DGKA: variants seen among roughly 807,000 people sequenced by gnomAD.
The protein encoded by DGKA is diacylglycerol kinase alpha.
In DGKA, 35 loss-of-function variants were observed where a neutral mutation model predicts 105.0. The ratio of observed to expected loss-of-function variants is 0.33; its 90% CI spans 0.25 to 0.44. The LOEUF (loss-of-function observed/expected upper bound fraction) is 0.44. Among genes scored for constraint, DGKA ranks in the 20% least tolerant of loss-of-function variants. The pLI is 1.00. For missense variants in DGKA, 665 were observed against 915.0 expected, an observed-to-expected ratio of 0.73 and a Z score of 3.53; for synonymous variants, 296 against 332.0, an observed-to-expected ratio of 0.89 and a Z score of 1.18.
intron 1 of DGKA, chr12:55,931,744 T>C (rs1883639907): frequency 6.6e-6 from 1 of 152,150 alleles, no homozygotes; most frequent in South Asian, 2.1e-4. Context: ...CTCCCAGGTT[T>C]GGGATGAAGG....
At chr12:55,929,693 A>G (rs1883282087), upstream of DGKA, 1 of 152,208 alleles carries the variant, frequency 6.6e-6, no homozygotes, top group Non-Finnish European at 1.5e-5. Flanking sequence ...AGAAATGAGC[A>G]CCTGGAACCG....
At chr12:55,941,090 C>A in intron 13 of DGKA, 110 bp downstream of exon 13, 1 of 1,351,670 alleles carries the variant, frequency 7.4e-7, no homozygotes, top group South Asian at 1.3e-5. Flanking sequence ...GATGCTCACT[C>A]TCCAGAAACT....
chr12:55,941,549 G>T lies in DGKA; in HGVS notation c.1215G>T (p.Gln405His). ...TCCAGTATATATTAAACCCTCGACA[G>T]GTGTTCAACCTCCTAAAGGATGGTC... ...WKFQYILNPR[Q>H]VFNLLKDGPE... The change falls in exon 15 of 24, where the codon CAG becomes CAT. Residue 405 changes from glutamine (Q) to histidine (H), a missense_variant. Physicochemically the swap from Gln to His is conservative, Grantham distance 24. Transcript: ENST00000331886. 2 of 1,614,170 alleles carry T rather than the reference G, an allele frequency of 1.2e-6. No individual in the cohort carries two copies. Among genetic ancestry groups the T allele is most frequent in the Non-Finnish European group, 1.7e-6 (2 of 1,180,026 alleles).
rs114610010 is a variant in DGKA at position 55,945,566 on chromosome 12, T to C, written c.1426+3303T>C. 3.8e-3 allele frequency among the ~76,000 whole-genome samples: 579 copies of C among 152,300 alleles called. 6 individuals are homozygous for C. Among genetic ancestry groups the C allele is most frequent in the African/African-American group, 0.013 (548 of 41,568 alleles). On this transcript the variant is annotated intron_variant, in intron 17 of 23. Coordinates refer to ENST00000331886, the MANE Select transcript of DGKA (RefSeq NM_001345.5). The stretch of plus-strand genomic sequence containing the variant: ...CAGGGCTGAGTTCTTTTCTAGAGGC[T>C]CTAGGGAATAATCCTTTGCTTTTTC...
At chr12:55,936,275 C>T in intron 1 of DGKA, 148 bp from the exon 2 acceptor site, 1 of 892,810 alleles carries the variant, frequency 1.1e-6, no homozygotes, top group Non-Finnish European at 1.6e-6. Flanking sequence ...AAGAGGGACA[C>T]AGGGAAAGGA....
rs1244110612 is a variant in DGKA, at chr12:55,940,186, C to T, written c.798+16C>T. On this transcript the variant is annotated intron_variant, in intron 10 of 23. Transcript: ENST00000331886. The surrounding 1 kb of genome is among the most constrained non-coding windows in gnomAD (Gnocchi z 4.3). ...GGACATTGGTGTGAGTGATCTCATG[C>T]CTCCACCCCCAACATCACCTACATC... 2.5e-6 allele frequency: 4 copies of T among 1,613,886 alleles called. No homozygotes were observed. Among genetic ancestry groups the T allele is most frequent in the Non-Finnish European group, 2.5e-6 (3 of 1,179,722 alleles).
chr12:55,927,968 T>A, upstream of DGKA: 2 of 594,018 alleles, frequency 3.4e-6, no homozygotes, highest in Non-Finnish European at 5.7e-6. Flanking sequence ...GTATTCTAAT[T>A]AAACTCGTCC....
chr12:55,930,368 T>TTG (rs1883382863), upstream of DGKA: 2 of 133,726 alleles, frequency 1.5e-5, no homozygotes, highest in Admixed American at 7.4e-5. Context: ...TTTTTTTTTT[T>TTG]TTTTTTTTTT....
chr12:55,951,165 T>C (rs1184096181), intron 17 of DGKA, among the ~76,000 whole-genome samples: 1 of 152,226 alleles, frequency 6.6e-6, no homozygotes, highest in Non-Finnish European at 1.5e-5. Flanking sequence ...ACTAAATTTC[T>C]ATATATACTT....
At chr12:55,949,159 T>C (rs952922318) in intron 17 of DGKA, among the ~76,000 whole-genome samples, 1 of 152,184 alleles carries the variant, frequency 6.6e-6, no homozygotes, top group South Asian at 2.1e-4. Flanking sequence ...TTTCTGTTTT[T>C]ACATGCATGC....
chr12:55,952,185 C>T lies in DGKA; in HGVS notation c.1652+86C>T, dbSNP rs1888298090. The T allele has an allele frequency of 2.5e-6, 4 of 1,573,566 alleles. No homozygotes were observed. The African/African-American group carries it at 4.0e-5, about 16-fold the overall frequency. On this transcript the variant is annotated intron_variant, in intron 19 of 23. Transcript: ENST00000331886. The surrounding 1 kb of genome is among the most constrained non-coding windows in gnomAD (Gnocchi z 5.1). ...GTTTGACTCAGATTGCTCAGAAGAACAGTGGCACCTCTAGGAGGTCCCCCC... is the reference window on the plus strand; with the variant it reads ...GTTTGACTCAGATTGCTCAGAAGAATAGTGGCACCTCTAGGAGGTCCCCCC...
At chr12:55,946,927 G>A (rs577921481) in intron 17 of DGKA, among the ~76,000 whole-genome samples, 1 of 151,904 alleles carries the variant, frequency 6.6e-6, no homozygotes, top group East Asian at 1.9e-4. Context: ...AACCCTCAGT[G>A]GAGTGTGAGG....
chr12:55,930,438 C>G (rs1159973324), upstream of DGKA: 1 of 138,980 alleles, frequency 7.2e-6, no homozygotes, highest in African/African-American at 2.6e-5. Flanking sequence ...ATGATCTCGG[C>G]TCACTGCAAC....
Position 55,932,706 on chromosome 12 carries a change from CA to C in DGKA, c.-82+1363del. 1.9e-6 allele frequency: 1 copy of C among 517,056 alleles called. No homozygotes were observed. The highest frequency in any genetic ancestry group is 3.4e-6 in the Non-Finnish European group (1 of 293,858). The allele number at this position is 517,056 out of a possible 1,614,324, so 32.0% of individuals were successfully genotyped here. A position where few individuals can be genotyped will look rare whatever the true frequency, so the allele number is the denominator to read the frequency against. Reference sequence around the variant, plus strand: ...ATGACACCCTCTACACACACACACACACGCACACACACACACACACACACAC... The same window carrying C: ...ATGACACCCTCTACACACACACACACCGCACACACACACACACACACACAC... On this transcript the variant is annotated intron_variant, in intron 1 of 23. Transcript: ENST00000331886. This position sits in a 1 kb window ranked among gnomAD's most constrained non-coding sequence, Gnocchi z 4.3.
At chr12:55,927,813 C>T (rs761996131), upstream of DGKA, 88 of 1,521,906 alleles carry the variant, frequency 5.8e-5, 2 homozygotes, top group South Asian at 2.5e-4. Flanking sequence ...CCTGGCTCTG[C>T]CCCGCTGGGC....
At chr12:55,927,762 G>A (rs1883222990), upstream of DGKA, 2 of 1,538,882 alleles carry the variant, frequency 1.3e-6, no homozygotes, top group Non-Finnish European at 1.7e-6. Context: ...CAGCTTCCAT[G>A]GCCGAAGAGG....
chr12:55,952,699 C>T lies in DGKA; in HGVS notation c.1744-35C>T, dbSNP rs1005411987. 1.2e-6 allele frequency: 2 copies of T among 1,610,306 alleles called. No individual in the cohort carries two copies. Among genetic ancestry groups the T allele is most frequent in the East Asian group, 4.5e-5 (2 of 44,850 alleles). ...TCATGCCATGAGGTGAGGATCTGTACCCTCCCTAACTGGGACTGTGCCCCC... is the reference window on the plus strand; with the variant it reads ...TCATGCCATGAGGTGAGGATCTGTATCCTCCCTAACTGGGACTGTGCCCCC... On this transcript the variant is annotated intron_variant, in intron 20 of 23. Transcript: ENST00000331886. This position sits in a 1 kb window ranked among gnomAD's most constrained non-coding sequence, Gnocchi z 5.1.
At chr12:55,928,626 A>T (rs1480089194), upstream of DGKA, among the ~76,000 whole-genome samples, 1 of 129,892 alleles carries the variant, frequency 7.7e-6, no homozygotes, top group African/African-American at 2.9e-5. Context: ...GCAGTGAGCC[A>T]AGATCGCTCC....
chr12:55,938,145 A>G, intron 5 of DGKA, 93 bp downstream of exon 5: 1 of 1,207,830 alleles, frequency 8.3e-7, no homozygotes, highest in African/African-American at 1.5e-5. Context: ...AGGATTCCTA[A>G]AGGCTGACAG....
Sources: gnomAD v4.1 joint callset for allele counts (sites outside exome capture counted in the v4.1 genomes callset) on GRCh38, gnomAD v4.1.1 for gene constraint, Gnocchi (gnomAD v3.1) non-coding constraint, MANE v1.5 for transcripts, NCBI Gene and HGNC (gene_info 2026-07-23, HGNC 2026-07-21) for gene names.